MFSD8: variants seen among roughly 807,000 people sequenced by gnomAD.
MFSD8 encodes major facilitator superfamily domain containing 8.
A neutral mutation model predicts 66.4 loss-of-function variants in MFSD8; 55 were observed. That is an observed-to-expected ratio of 0.83 (90% CI 0.67 to 1.04). The LOEUF is 1.04. MFSD8 is among the 50% of genes least tolerant of loss of function. The pLI is 0.00. For missense variants in MFSD8, 550 were observed against 627.6 expected, an observed-to-expected ratio of 0.88 and a Z score of 1.32; for synonymous variants, 202 against 212.8, an observed-to-expected ratio of 0.95 and a Z score of 0.44.
chr4:127,928,120 T>C (rs141161074), intron 9 of MFSD8, among the ~76,000 whole-genome samples: 1 of 152,116 alleles, frequency 6.6e-6, no homozygotes, highest in Non-Finnish European at 1.5e-5. Flanking sequence ...GTGATCTTGG[T>C]TCACTGCTGC....
upstream of MFSD8, chr4:127,965,301 C>T (rs1343141899): frequency 1.2e-6 from 1 of 812,076 alleles, no homozygotes. Flanking sequence ...CGCGGAAGGC[C>T]GGGCAGCGCA....
chr4:127,959,643 A>G (rs1223223782), intron 1 of MFSD8, among the ~76,000 whole-genome samples: 1 of 152,196 alleles, frequency 6.6e-6, no homozygotes, highest in African/African-American at 2.4e-5. Context: ...GTGGGTGTGT[A>G]TGTACCTGCC....
At chr4:127,931,140 A>G (rs1381542274) in intron 8 of MFSD8, among the ~76,000 whole-genome samples, 2 of 152,168 alleles carry the variant, frequency 1.3e-5, no homozygotes, top group African/African-American at 4.8e-5. Flanking sequence ...TAACATTACT[A>G]AATAATCATG....
chr4:127,945,865 A>C (rs1289926532), intron 3 of MFSD8, among the ~76,000 whole-genome samples: 1 of 152,064 alleles, frequency 6.6e-6, no homozygotes, highest in African/African-American at 2.4e-5. Context: ...ATTTTCAAAA[A>C]AGCAATGAAA....
At position 127,944,067 on chromosome 4, in the gene MFSD8, T is replaced by C. The variant is rs1342421814; in HGVS notation, c.199-75A>G. The C allele has an allele frequency of 1.1e-5, 18 of 1,584,520 alleles. No individual in the cohort carries two copies. In the South Asian group the frequency reaches 1.9e-4, roughly 17 times the overall value. ...AAAACTAAATACATTTGTCATACCATGTAAGATTTCCTATCAAAAAATAAA... is the reference window on the plus strand; with the variant it reads ...AAAACTAAATACATTTGTCATACCACGTAAGATTTCCTATCAAAAAATAAA... On this transcript the variant is annotated intron_variant, in intron 3 of 11. Transcript: ENST00000641686.
intron 3 of MFSD8, among the ~76,000 whole-genome samples, chr4:127,947,898 A>ACACACACACACT (rs777137519): frequency 2.7e-5 from 4 of 146,850 alleles, no homozygotes; most frequent in African/African-American, 1.0e-4. Flanking sequence ...ACACACACAC[A>ACACACACACACT]CTCTCTCTCC....
At chr4:127,939,704 G>T in intron 6 of MFSD8, 149 bp downstream of exon 6, 1 of 629,050 alleles carries the variant, frequency 1.6e-6, no homozygotes, top group Non-Finnish European at 2.5e-6. Context: ...AGTATTACAT[G>T]CTTTAGTACT....
At chr4:127,949,506 G>A (rs866075016) in intron 3 of MFSD8, among the ~76,000 whole-genome samples, 8 of 152,204 alleles carry the variant, frequency 5.3e-5, no homozygotes, top group African/African-American at 1.9e-4. Context: ...AAGAGGTAAT[G>A]ATGGAATATG....
Position 127,922,367 on chromosome 4 carries a change from T to C in MFSD8, c.999-404A>G, listed in dbSNP as rs536780348. ...GGCCTGGTGTAGTGGCTCACACCTATAACCCCAGTACTTTGGGAGGCCAAA... is the reference window on the plus strand; with the variant it reads ...GGCCTGGTGTAGTGGCTCACACCTACAACCCCAGTACTTTGGGAGGCCAAA... On this transcript the variant is annotated intron_variant, in intron 9 of 11. Coordinates refer to ENST00000641686, the MANE Select transcript of MFSD8 (RefSeq NM_001371596.2). 1.5e-3 allele frequency among the ~76,000 whole-genome samples: 229 copies of C among 152,292 alleles called. 3 individuals carry two copies. Among genetic ancestry groups the C allele is most frequent in the South Asian group, 4.1e-3 (20 of 4,830 alleles).
At chr4:127,927,538 T>C (rs1280469753) in intron 9 of MFSD8, among the ~76,000 whole-genome samples, 2 of 152,210 alleles carry the variant, frequency 1.3e-5, no homozygotes, top group African/African-American at 4.8e-5. Flanking sequence ...TGTAGCCCCA[T>C]TGCAAGTTAA....
At chr4:127,956,136 T>TA (rs1389509681) in intron 2 of MFSD8, among the ~76,000 whole-genome samples, 3 of 150,566 alleles carry the variant, frequency 2.0e-5, no homozygotes, top group Non-Finnish European at 4.4e-5. Flanking sequence ...TAATAAATAA[T>TA]AAAATTTTTT....
chr4:127,942,266 A>G (rs1301556125), intron 4 of MFSD8, 108 bp from the exon 5 acceptor site: 5 of 791,854 alleles, frequency 6.3e-6, no homozygotes, highest in Non-Finnish European at 1.1e-5. Context: ...TCAACAGTAC[A>G]GTCACTGCTT....
intron 1 of MFSD8, among the ~76,000 whole-genome samples, chr4:127,957,845 A>G (rs1228790245): frequency 6.6e-6 from 1 of 152,178 alleles, no homozygotes; most frequent in Non-Finnish European, 1.5e-5. Flanking sequence ...TTGCAAGGCA[A>G]TTATTTTGCT....
chr4:127,935,115 T>C (rs1193879935), intron 7 of MFSD8, among the ~76,000 whole-genome samples: 4 of 152,320 alleles, frequency 2.6e-5, no homozygotes, highest in East Asian at 1.9e-4. Context: ...ATGCTCAACA[T>C]AGCCTTATGA....
chr4:127,946,622 T>A (rs2148931745), intron 3 of MFSD8, among the ~76,000 whole-genome samples: 1 of 152,216 alleles, frequency 6.6e-6, no homozygotes, highest in African/African-American at 2.4e-5. Context: ...AAGTAGAAAT[T>A]CGTAAAAACT....
rs1736129145 is a variant in MFSD8, at chr4:127,919,717, C to T, written c.*913G>A. On this transcript the variant is annotated 3_prime_UTR_variant, in exon 12 of 12. Coordinates refer to ENST00000641686, the MANE Select transcript of MFSD8 (RefSeq NM_001371596.2). ...AAAACTGTTGTGTTCCTCCCCGCCA[C>T]TACTGAGAGATGGGAAAAATTAAAG... 6.6e-6 allele frequency: 1 copy of T among 152,152 alleles called. No individual in the cohort carries two copies. Among genetic ancestry groups the T allele is most frequent in the South Asian group, 2.1e-4 (1 of 4,834 alleles). The allele number at this position is 152,152 out of a possible 1,614,324, so 9.4% of individuals were successfully genotyped here. A position where few individuals can be genotyped will look rare whatever the true frequency, so the allele number is the denominator to read the frequency against.
Position 127,920,650 on chromosome 4 carries a change from A to G in MFSD8, c.1537T>C (p.Tyr513His). Residue 513 changes from tyrosine to histidine, a missense_variant, in exon 12 of 12, where the codon TAT becomes CAT. Tyr to His is a moderately conservative substitution (Grantham distance 83). Transcript: ENST00000641686. ...CTAGTTTATTCCTGAATCCTCCCAT[A>G]TCTTACAGAAAGAGCAATGAGTCTT... ...YKRLIALSVR[Y>H]GRIQE The G allele has an allele frequency of 6.2e-7, 1 of 1,614,028 alleles. No homozygotes were observed. Among genetic ancestry groups the G allele is most frequent in the Non-Finnish European group, 8.5e-7 (1 of 1,180,004 alleles).
chr4:127,936,480 C>A (rs1419786841), intron 7 of MFSD8, among the ~76,000 whole-genome samples: 1 of 151,710 alleles, frequency 6.6e-6, no homozygotes, highest in Non-Finnish European at 1.5e-5. Flanking sequence ...AATCCTAGCA[C>A]TTTGGGAGGC....
rs1437168458 is a variant in MFSD8 at position 127,939,846 on chromosome 4, T to C, written c.698+7A>G. The C allele has an allele frequency of 2.5e-6, 4 of 1,607,654 alleles. No individual in the cohort carries two copies. Among genetic ancestry groups the C allele is most frequent in the Non-Finnish European group, 3.4e-6 (4 of 1,176,426 alleles). Reference sequence around the variant, plus strand: ...CAAAAATAGTTTTATCATTTCTATCTAATTACCTTAGTATGGCAAGGATCA... The same window carrying C: ...CAAAAATAGTTTTATCATTTCTATCCAATTACCTTAGTATGGCAAGGATCA... On this transcript the variant is annotated splice_region_variant and intron_variant, in intron 6 of 11. Transcript: ENST00000641686.
Sources: allele counts gnomAD v4.1 joint callset (sites outside exome capture counted in the v4.1 genomes callset), GRCh38; gene constraint gnomAD v4.1.1; transcripts MANE v1.5; gene names NCBI Gene and HGNC (gene_info 2026-07-23, HGNC 2026-07-21).